ELMOD1: variants seen among roughly 807,000 people sequenced by gnomAD.
ELMOD1 encodes ELMO domain containing 1, also known as ELMO domain-containing protein 1.
A neutral mutation model predicts 46.7 loss-of-function variants in ELMOD1; 21 were observed. That is an observed-to-expected ratio of 0.45 (90% CI 0.32 to 0.65). The LOEUF (loss-of-function observed/expected upper bound fraction) is 0.65. Among genes scored for constraint, ELMOD1 ranks in the 30% least tolerant of loss-of-function variants. ELMOD1 has a pLI of 0.04. For missense variants in ELMOD1, 348 were observed against 407.8 expected, an observed-to-expected ratio of 0.85 and a Z score of 1.26; for synonymous variants, 122 against 138.2, an observed-to-expected ratio of 0.88 and a Z score of 0.82.
intron 6 of ELMOD1, among the ~76,000 whole-genome samples, chr11:107,646,984 A>G (rs1489407331): frequency 6.6e-6 from 1 of 151,442 alleles, no homozygotes; most frequent in Non-Finnish European, 1.5e-5. Context: ...CTATCTATCT[A>G]TCTACCTATC....
chr11:107,626,952 T>G (rs1000211890), intron 2 of ELMOD1, among the ~76,000 whole-genome samples: 15 of 152,278 alleles, frequency 9.9e-5, no homozygotes, highest in African/African-American at 3.4e-4. Context: ...TTGGTCCTTT[T>G]ATAAGGAAGC....
intron 11 of ELMOD1, among the ~76,000 whole-genome samples, chr11:107,663,274 G>A (rs780133775): frequency 2.0e-5 from 3 of 152,108 alleles, no homozygotes; most frequent in Admixed American, 6.5e-5. Context: ...GGTGATGGTT[G>A]GTGTGTACCC....
In ELMOD1 at chr11:107,665,020, A is replaced by C; in HGVS notation, c.833-5A>C. ...GCATTCTTATCATTGTATTGTCTCC[A>C]ACAGGCTATTTGATGCATGAATTTC... On this transcript the variant is annotated splice_region_variant and splice_polypyrimidine_tract_variant and intron_variant, in intron 11 of 11. Coordinates refer to ENST00000265840, the MANE Select transcript of ELMOD1 (RefSeq NM_018712.4). The C allele has an allele frequency of 1.2e-6, 2 of 1,611,694 alleles. No individual in the cohort carries two copies. The highest frequency in any genetic ancestry group is 4.5e-5 in the East Asian group (2 of 44,848).
intron 5 of ELMOD1, among the ~76,000 whole-genome samples, 196 bp downstream of exon 5, chr11:107,631,873 C>T (rs1591121512): frequency 6.6e-6 from 1 of 152,084 alleles, no homozygotes; most frequent in African/African-American, 2.4e-5. Flanking sequence ...CTTTGTACTT[C>T]CTTTGTGGCT....
chr11:107,627,577 G>A (rs1866064472), intron 2 of ELMOD1, among the ~76,000 whole-genome samples: 3 of 152,200 alleles, frequency 2.0e-5, no homozygotes, highest in Admixed American at 2.0e-4. Context: ...ATACAAGGAT[G>A]CCAGTGGGAG....
intron 4 of ELMOD1, among the ~76,000 whole-genome samples, 173 bp from the exon 5 acceptor site, chr11:107,631,407 C>CCA (rs1555065965): frequency 3.7e-4 from 50 of 136,108 alleles, no homozygotes; most frequent in African/African-American, 1.0e-3. Context: ...ACCCCCCCCC[C>CCA]CATCGTGAAA....
intron 2 of ELMOD1, among the ~76,000 whole-genome samples, chr11:107,622,067 C>T (rs886820522): frequency 6.6e-6 from 1 of 152,086 alleles, no homozygotes. Flanking sequence ...TCCAAAGTAA[C>T]ACACCACCTG....
At chr11:107,656,448 T>C (rs1044057829) in intron 11 of ELMOD1, among the ~76,000 whole-genome samples, 1 of 147,726 alleles carries the variant, frequency 6.8e-6, no homozygotes, top group African/African-American at 2.5e-5. Context: ...ATGATATATA[T>C]AAAAATATAT....
intron 6 of ELMOD1, chr11:107,643,514 G>T: frequency 2.3e-6 from 1 of 437,238 alleles, no homozygotes; most frequent in South Asian, 1.9e-5. Context: ...TCAAGTCTGT[G>T]TCTAGTATAG....
At chr11:107,644,758 G>A (rs1565385653) in intron 6 of ELMOD1, among the ~76,000 whole-genome samples, 1 of 152,134 alleles carries the variant, frequency 6.6e-6, no homozygotes, top group East Asian at 1.9e-4. Flanking sequence ...ACAGGCGTAA[G>A]CCACCGCACC....
At chr11:107,630,059 G>A (rs1273040679) in intron 2 of ELMOD1, among the ~76,000 whole-genome samples, 9 of 152,290 alleles carry the variant, frequency 5.9e-5, no homozygotes, top group Non-Finnish European at 2.9e-5. Flanking sequence ...CTTCCCCCAC[G>A]TCAAAGGGAG....
At chr11:107,595,875 T>C (rs1865484503) in intron 1 of ELMOD1, among the ~76,000 whole-genome samples, 1 of 152,088 alleles carries the variant, frequency 6.6e-6, no homozygotes, top group African/African-American at 2.4e-5. Context: ...AATAACTTTA[T>C]TCTCAATGAA....
chr11:107,631,166 A>G (rs1004800904), intron 4 of ELMOD1, among the ~76,000 whole-genome samples: 7 of 152,130 alleles, frequency 4.6e-5, no homozygotes, highest in African/African-American at 1.7e-4. Flanking sequence ...TTCTTTTTCA[A>G]GATTCTTGAT....
intron 1 of ELMOD1, among the ~76,000 whole-genome samples, chr11:107,606,167 A>G (rs1865682010): frequency 6.6e-6 from 1 of 152,128 alleles, no homozygotes; most frequent in South Asian, 2.1e-4. Flanking sequence ...TCTTCCTTGC[A>G]TAGGCATAGT....
intron 1 of ELMOD1, chr11:107,600,370 C>T (rs1865576636): frequency 6.6e-6 from 1 of 151,932 alleles, no homozygotes; most frequent in African/African-American, 2.4e-5. Flanking sequence ...AAAACAGTAA[C>T]AACAACAAAT....
intron 1 of ELMOD1, among the ~76,000 whole-genome samples, chr11:107,605,562 C>T (rs1033538375): frequency 4.6e-5 from 7 of 152,132 alleles, no homozygotes; most frequent in Admixed American, 2.6e-4. Context: ...GAAAACAGTG[C>T]GTAAGATGTA....
chr11:107,595,009 G>A (rs987891221), intron 1 of ELMOD1, among the ~76,000 whole-genome samples: 3 of 152,154 alleles, frequency 2.0e-5, no homozygotes, highest in African/African-American at 7.2e-5. Context: ...ATTGAATAAC[G>A]TGGTAAATTT....
At chr11:107,628,086 C>CTTT (rs200367659) in intron 2 of ELMOD1, among the ~76,000 whole-genome samples, 3 of 143,178 alleles carry the variant, frequency 2.1e-5, no homozygotes, top group African/African-American at 7.7e-5. Context: ...ATTGCTCAAT[C>CTTT]TTTTTTTTTT....
intron 2 of ELMOD1, among the ~76,000 whole-genome samples, chr11:107,628,142 A>C (rs1349339957): frequency 6.6e-6 from 1 of 151,630 alleles, no homozygotes; most frequent in African/African-American, 2.4e-5. Context: ...ACATTTTCCA[A>C]GAGAGCAAGC....
Sources: gnomAD v4.1 joint callset for allele counts (sites outside exome capture counted in the v4.1 genomes callset) on GRCh38, gnomAD v4.1.1 for gene constraint, MANE v1.5 for transcripts, NCBI Gene and HGNC (gene_info 2026-07-23, HGNC 2026-07-21) for gene names.